The following CSMD2 variants were observed in gnomAD, a reference collection of about 807,000 sequenced individuals.
CSMD2 encodes CUB and sushi domain-containing protein 2.
CSMD2 carries 130 observed loss-of-function variants against 398.5 expected under a neutral mutation model. That is an observed-to-expected ratio of 0.33 (90% CI 0.28 to 0.38). The LOEUF is 0.38. CSMD2 is among the 10% of genes least tolerant of loss of function. The pLI, the probability that CSMD2 is intolerant of heterozygous loss-of-function variation, is 1.00. For missense variants in CSMD2, 3,829 were observed against 4,764.9 expected, an observed-to-expected ratio of 0.80 and a Z score of 5.78; for synonymous variants, 1,828 against 1,908.5, an observed-to-expected ratio of 0.96 and a Z score of 1.10.
intron 3 of CSMD2, among the ~76,000 whole-genome samples, chr1:34,001,526 T>C (rs1355262338): frequency 6.6e-6 from 1 of 152,206 alleles, no homozygotes; most frequent in Non-Finnish European, 1.5e-5. Flanking sequence ...TGTATACTCA[T>C]TGAAGTTGTC....
chr1:33,725,277 G>A, intron 17 of CSMD2, 72 bp downstream of exon 17: 1 of 1,289,444 alleles, frequency 7.8e-7, no homozygotes, highest in Non-Finnish European at 1.1e-6. Context: ...CTGTGGTGGA[G>A]CACAGTCCTG....
intron 6 of CSMD2, among the ~76,000 whole-genome samples, chr1:33,838,097 CA>C (rs1339721431): frequency 6.6e-6 from 1 of 152,182 alleles, no homozygotes; most frequent in East Asian, 1.9e-4. Context: ...AGGGAATCTG[CA>C]TCTTCTTTTC....
At chr1:34,087,474 G>C (rs1658017661) in intron 2 of CSMD2, among the ~76,000 whole-genome samples, 1 of 151,828 alleles carries the variant, frequency 6.6e-6, no homozygotes, top group South Asian at 2.1e-4. Context: ...CCTGTCAGGG[G>C]GTTGGGGGCT....
chr1:33,974,852 C>A (rs1000850043), intron 3 of CSMD2, among the ~76,000 whole-genome samples: 3 of 152,332 alleles, frequency 2.0e-5, no homozygotes, highest in Non-Finnish European at 2.9e-5. Context: ...AGGACTGGAG[C>A]TTCCTGGCCC....
chr1:34,062,875 AAAGACATACCCGAG>A (rs1411479893), intron 2 of CSMD2, among the ~76,000 whole-genome samples: 1 of 152,204 alleles, frequency 6.6e-6, no homozygotes, highest in Non-Finnish European at 1.5e-5. Context: ...CACTGCTGAT[AAAGACATACCCGAG>A]ACTGGGAAGA....
intron 5 of CSMD2, among the ~76,000 whole-genome samples, chr1:33,913,529 C>T (rs1002069867): frequency 1.3e-5 from 2 of 152,182 alleles, no homozygotes; most frequent in African/African-American, 4.8e-5. Flanking sequence ...AGCCAGGCAG[C>T]AGTTGCCACG....
intron 25 of CSMD2, among the ~76,000 whole-genome samples, chr1:33,674,185 C>T (rs1644616618): frequency 1.3e-5 from 2 of 152,146 alleles, no homozygotes; most frequent in Non-Finnish European, 2.9e-5. Context: ...GAGTCAAGAC[C>T]TATCAGTGTG....
chr1:34,057,377 C>T (rs552498693), intron 2 of CSMD2, among the ~76,000 whole-genome samples: 4 of 152,322 alleles, frequency 2.6e-5, no homozygotes, highest in Non-Finnish European at 5.9e-5. Flanking sequence ...TCTCCTAGAC[C>T]CCTAAGCCCT....
Position 33,633,307 on chromosome 1 carries a change from G to A in CSMD2, c.5200+115C>T. 1 of 748,210 alleles carries A rather than the reference G, an allele frequency of 1.3e-6. No individual in the cohort carries two copies. Among genetic ancestry groups the A allele is most frequent in the Non-Finnish European group, 2.3e-6 (1 of 437,462 alleles). The allele number at this position is 748,210 out of a possible 1,614,324, so 46.3% of individuals were successfully genotyped here. On this transcript the variant is annotated intron_variant, in intron 32 of 70. Coordinates refer to ENST00000373381, the MANE Select transcript of CSMD2 (RefSeq NM_001281956.2). The surrounding 1 kb of genome is among the most constrained non-coding windows in gnomAD (Gnocchi z 5.0). ...ACAAGCACCAGAACACGACAGGCACGCAGAGCCGTAGGGTTCCACCTGCGG... is the reference window on the plus strand; with the variant it reads ...ACAAGCACCAGAACACGACAGGCACACAGAGCCGTAGGGTTCCACCTGCGG...
chr1:33,787,515 T>C (rs1482588448), intron 12 of CSMD2, among the ~76,000 whole-genome samples: 1 of 152,230 alleles, frequency 6.6e-6, no homozygotes, highest in Non-Finnish European at 1.5e-5. Context: ...CAGATGTTCC[T>C]GAAAAGATGT....
At chr1:34,152,009 A>T (rs1640373435) in intron 1 of CSMD2, among the ~76,000 whole-genome samples, 1 of 151,924 alleles carries the variant, frequency 6.6e-6, no homozygotes, top group Non-Finnish European at 1.5e-5. Flanking sequence ...TACCCAGCTA[A>T]TTATTTATTT....
At chr1:34,053,597 A>G (rs145909914) in intron 2 of CSMD2, among the ~76,000 whole-genome samples, 6 of 152,308 alleles carry the variant, frequency 3.9e-5, no homozygotes, top group African/African-American at 1.4e-4. Flanking sequence ...GAGTCTGAAA[A>G]GGCATATGAA....
rs183969389 is a variant in CSMD2 at position 33,744,847 on chromosome 1, A to G, written c.1847-1241T>C. Among the ~76,000 whole-genome samples the G allele has an allele frequency of 2.0e-5, 3 of 152,324 alleles. No homozygotes were observed. The East Asian group carries it at 5.8e-4, about 29-fold the overall frequency. ...TATTGTTGAGGCTTCATGGAATCTC[A>G]TACATGCATTTATTGCCAATTGCAG... On this transcript the variant is annotated intron_variant, in intron 13 of 70. Transcript: ENST00000373381.
In CSMD2 at chr1:33,793,518, G is replaced by T. The variant is rs557060385; in HGVS notation, c.1447-992C>A. 8.3e-4 allele frequency among the ~76,000 whole-genome samples: 126 copies of T among 152,312 alleles called. 1 individual carries two copies. In the South Asian group the frequency reaches 0.025, roughly 30 times the overall value. On this transcript the variant is annotated intron_variant, in intron 10 of 70. Coordinates refer to ENST00000373381, the MANE Select transcript of CSMD2 (RefSeq NM_001281956.2). ...CAGTGCAAGAAGGTGACTTGGGAAG[G>T]TCTGGAATTTGAAAAGTTTTCCTGG...
In CSMD2 at chr1:33,537,809, A is replaced by C. The variant is rs1655950272; in HGVS notation, c.9632-200T>G. Among the ~76,000 whole-genome samples the C allele has an allele frequency of 6.6e-6, 1 of 152,258 alleles. No homozygotes were observed. Among genetic ancestry groups the C allele is most frequent in the South Asian group, 2.1e-4 (1 of 4,834 alleles). On this transcript the variant is annotated intron_variant, in intron 60 of 70. Transcript: ENST00000373381. This position sits in a 1 kb window ranked among gnomAD's most constrained non-coding sequence, Gnocchi z 4.6. ...GGGGCTTCCTCTCCCTTCTACATTC[A>C]AAGTGCCTATTAATAATGATCCAAG...
chr1:34,165,425 CG>C (rs1641800483), upstream of CSMD2, among the ~76,000 whole-genome samples: 1 of 151,854 alleles, frequency 6.6e-6, no homozygotes, highest in African/African-American at 2.4e-5. Context: ...TATTGGGGGG[CG>C]GGGGTTCCTC....
At chr1:34,013,430 C>A (rs1647644426) in intron 3 of CSMD2, among the ~76,000 whole-genome samples, 1 of 152,192 alleles carries the variant, frequency 6.6e-6, no homozygotes, top group South Asian at 2.1e-4. Context: ...CCCACCAGCT[C>A]TCCTGAGACC....
rs552527456 is a variant in CSMD2, at chr1:34,053,069, A to G, written c.405-20363T>C. On this transcript the variant is annotated intron_variant, in intron 2 of 70. Transcript: ENST00000373381. ...AGGGTCAATGGCGAACTACTTTTAA[A>G]CAAAAGCCTCTTTTAACCCCTAATC... Among the ~76,000 whole-genome samples, 5 of 152,134 alleles carry G rather than the reference A, an allele frequency of 3.3e-5. No homozygotes were observed. In the East Asian group the frequency reaches 5.8e-4, roughly 18 times the overall value.
intron 5 of CSMD2, among the ~76,000 whole-genome samples, chr1:33,903,678 C>A (rs544602510): frequency 1.3e-5 from 2 of 152,128 alleles, no homozygotes; most frequent in Non-Finnish European, 2.9e-5. Flanking sequence ...CTGGCAATGG[C>A]AGGGGAGGGG....
Sources: gnomAD v4.1 joint callset for allele counts (sites outside exome capture counted in the v4.1 genomes callset) on GRCh38, gnomAD v4.1.1 for gene constraint, Gnocchi (gnomAD v3.1) non-coding constraint, MANE v1.5 for transcripts, NCBI Gene and HGNC (gene_info 2026-07-23, HGNC 2026-07-21) for gene names.